Variants in GPR55 observed in about 807,000 individuals in gnomAD.
GPR55 encodes the protein G-protein coupled receptor 55.
GPR55 carries 6 observed loss-of-function variants against 7.9 expected under a neutral mutation model. The ratio of observed to expected loss-of-function variants is 0.76; its 90% CI spans 0.41 to 1.49. The LOEUF (loss-of-function observed/expected upper bound fraction) is 1.49. GPR55 is among the 40% of genes most tolerant of loss of function. The pLI is 0.01. For missense variants in GPR55, 376 were observed against 406.0 expected (o/e 0.93, Z 0.63); for synonymous variants, 183 against 166.8 (o/e 1.10, Z -0.75).
chr2:230,912,034 CT>C (rs1690604361), intron 1 of GPR55, among the ~76,000 whole-genome samples: 1 of 152,204 alleles, frequency 6.6e-6, no homozygotes, highest in Non-Finnish European at 1.5e-5. Flanking sequence ...CTTCCACCCT[CT>C]CCCCACTTGC....
rs1417861521 is a variant in GPR55 at position 230,910,539 on chromosome 2, A to G, written c.424T>C (p.Cys142Arg). 1.2e-6 allele frequency: 2 copies of G among 1,614,050 alleles called. No individual in the cohort carries two copies. Among genetic ancestry groups the G allele is most frequent in the African/African-American group, 2.7e-5 (2 of 74,938 alleles). Residue 142 changes from cysteine (C) to arginine (R), a missense_variant, in exon 2 of 2, where the codon TGC (cysteine) becomes CGC (arginine). Physicochemically the swap from Cys to Arg is radical, Grantham distance 180 (BLOSUM62 -3). Coordinates refer to ENST00000650999, the MANE Select transcript of GPR55 (RefSeq NM_005683.4). The surrounding 1 kb of genome is among the most constrained non-coding windows in gnomAD (Gnocchi z 5.4). Reference protein sequence around the residue: ...LRSPRKIFGICCTIWVLVWTG... With the variant: ...LRSPRKIFGIRCTIWVLVWTG... ...CACACCAGGACCCAGATGGTGCAGCAGATCCCAAAGATCTTCCTGGGGGAC... is the reference window on the plus strand; with the variant it reads ...CACACCAGGACCCAGATGGTGCAGCGGATCCCAAAGATCTTCCTGGGGGAC...
intron 1 of GPR55, among the ~76,000 whole-genome samples, chr2:230,911,809 G>A (rs938462571): frequency 1.3e-5 from 2 of 152,144 alleles, no homozygotes; most frequent in South Asian, 2.1e-4. Context: ...CCTTTTGTCG[G>A]GCAGAAAATT....
At chr2:230,937,632 C>T (rs979024631) in intron 1 of GPR55, among the ~76,000 whole-genome samples, 2 of 151,710 alleles carry the variant, frequency 1.3e-5, no homozygotes, top group African/African-American at 4.9e-5. Flanking sequence ...TTATTTCCAA[C>T]AGTCACCAAA....
At chr2:230,940,522 C>G (rs971977728) in intron 1 of GPR55, among the ~76,000 whole-genome samples, 1 of 152,212 alleles carries the variant, frequency 6.6e-6, no homozygotes, top group Non-Finnish European at 1.5e-5. Flanking sequence ...CAGCGTCATT[C>G]TGGACCCTGA....
At chr2:230,940,064 C>T (rs958455344) in intron 1 of GPR55, among the ~76,000 whole-genome samples, 5 of 152,136 alleles carry the variant, frequency 3.3e-5, no homozygotes, top group Admixed American at 6.5e-5. Context: ...CCCTGAGCTA[C>T]GTGGCCCCCC....
chr2:230,921,898 A>T (rs1448834099), intron 1 of GPR55, among the ~76,000 whole-genome samples: 34 of 152,252 alleles, frequency 2.2e-4, no homozygotes, highest in Non-Finnish European at 3.8e-4. Context: ...AAGGTCATCC[A>T]TCCTCCAGTG....
chr2:230,939,047 A>C (rs1488603015), intron 1 of GPR55, among the ~76,000 whole-genome samples: 1 of 152,170 alleles, frequency 6.6e-6, no homozygotes, highest in Non-Finnish European at 1.5e-5. Context: ...CCAGTTCTCG[A>C]GATGGAGACT....
chr2:230,950,818 C>G (rs905183425), intron 1 of GPR55, among the ~76,000 whole-genome samples: 2 of 150,906 alleles, frequency 1.3e-5, no homozygotes, highest in African/African-American at 2.5e-5. Context: ...TCTTCCCCCG[C>G]CTTTCTGATT....
chr2:230,924,917 T>G lies in GPR55; in HGVS notation c.-135+251A>C, dbSNP rs1279207116. On this transcript the variant is annotated intron_variant, in intron 1 of 1. Transcript: ENST00000650999. The surrounding 1 kb of genome is among the most constrained non-coding windows in gnomAD (Gnocchi z 4.5). ...AGTCAGATCAGGAGGAAGTTGAGGG[T>G]TCGTAGAAAAATGTCACTCGTAATC... Among the ~76,000 whole-genome samples, 1 of 151,668 alleles carries G rather than the reference T, an allele frequency of 6.6e-6. No homozygotes were observed. The highest frequency in any genetic ancestry group is 2.4e-5 in the African/African-American group (1 of 41,224).
chr2:230,960,787 G>A (rs1473814758), exon 1 of GPR55: 1 of 152,256 alleles, frequency 6.6e-6, no homozygotes, highest in African/African-American at 2.4e-5. Context: ...TCCAGAAGCA[G>A]AAGCCACCCA....
At chr2:230,961,162 C>G (rs1691560061), upstream of GPR55, 1 of 152,236 alleles carries the variant, frequency 6.6e-6, no homozygotes, top group Non-Finnish European at 1.5e-5. Flanking sequence ...CCCCCTCTAG[C>G]CTTCCAGTCT....
upstream of GPR55, chr2:230,961,125 G>C (rs892851017): frequency 1.4e-4 from 22 of 152,196 alleles, no homozygotes; most frequent in African/African-American, 5.3e-4. Context: ...ATCTGCCCTA[G>C]GGGAAGGGCA....
rs561163240 is a variant in GPR55 at position 230,955,787 on chromosome 2, T to C, written c.-135+4988A>G. 3.9e-3 allele frequency among the ~76,000 whole-genome samples: 595 copies of C among 151,430 alleles called. 4 individuals carry two copies. Among genetic ancestry groups the C allele is most frequent in the Non-Finnish European group, 5.2e-3 (351 of 67,754 alleles). ...CCAGGCTGGAGTGTGCCTGCAGTGGTGTGATCACGGCTCACTGCAGCCTTG... is the reference window on the plus strand; with the variant it reads ...CCAGGCTGGAGTGTGCCTGCAGTGGCGTGATCACGGCTCACTGCAGCCTTG... On this transcript the variant is annotated intron_variant, in intron 1 of 1. Coordinates refer to the GPR55 transcript ENST00000392039.
At chr2:230,937,084 T>A (rs1242111860) in intron 1 of GPR55, among the ~76,000 whole-genome samples, 2 of 152,112 alleles carry the variant, frequency 1.3e-5, no homozygotes. Flanking sequence ...TCAGTTGGGC[T>A]GTACGACTGG....
chr2:230,937,735 A>C (rs1470159997), intron 1 of GPR55, among the ~76,000 whole-genome samples: 1 of 152,182 alleles, frequency 6.6e-6, no homozygotes, highest in Non-Finnish European at 1.5e-5. Flanking sequence ...TGGCTCATTC[A>C]AAAAGACAAG....
chr2:230,933,163 C>CA (rs1553542461), intron 1 of GPR55, among the ~76,000 whole-genome samples: 3 of 152,158 alleles, frequency 2.0e-5, no homozygotes, highest in East Asian at 1.9e-4. Flanking sequence ...AGCCAAGCCC[C>CA]TGAAGTCCCC....
upstream of GPR55, among the ~76,000 whole-genome samples, chr2:230,926,807 A>G (rs1208670241): frequency 6.8e-6 from 1 of 147,650 alleles, no homozygotes; most frequent in Non-Finnish European, 1.5e-5. Flanking sequence ...CTCCTGCCTC[A>G]GCCTCCTGAG....
rs1419296489 is a variant in GPR55 at position 230,944,384 on chromosome 2, C to A, written c.-135+16391G>T. ...GCTTCACCAGTGTAGAGACTTGGAT[C>A]CCCAGGCAAACCCCAGAAGTGTGGA... is the stretch of plus-strand genomic sequence containing the variant. On this transcript the variant is annotated intron_variant, in intron 1 of 1. Transcript: ENST00000392039. The surrounding 1 kb of genome is among the most constrained non-coding windows in gnomAD (Gnocchi z 4.2). Among the ~76,000 whole-genome samples the A allele has an allele frequency of 6.6e-6, 1 of 152,096 alleles. No individual in the cohort carries two copies. Among genetic ancestry groups the A allele is most frequent in the African/African-American group, 2.4e-5 (1 of 41,400 alleles).
intron 1 of GPR55, among the ~76,000 whole-genome samples, chr2:230,938,873 C>T (rs989390810): frequency 1.3e-5 from 2 of 152,200 alleles, no homozygotes; most frequent in African/African-American, 4.8e-5. Context: ...AGCTGCATCT[C>T]TTCTGGGTCT....
Sources: allele counts gnomAD v4.1 joint callset (sites outside exome capture counted in the v4.1 genomes callset), GRCh38; gene constraint gnomAD v4.1.1; non-coding constraint Gnocchi (gnomAD v3.1); transcripts MANE v1.5; gene names NCBI Gene and HGNC (gene_info 2026-07-23, HGNC 2026-07-21).